The following DRC4 variants were observed in gnomAD, a reference collection of about 807,000 sequenced individuals.
DRC4 encodes the protein GAS-11.
At chr16:90,032,780 G>A in the DRC4 span, 1 of 1,613,964 alleles carries the variant, frequency 6.2e-7, no homozygotes, top group African/African-American at 1.3e-5. Context: ...CAGAGATGAA[G>A]GCTGAGGGCA....
chr16:90,036,196 C>G, the DRC4 span: 1 of 612,874 alleles, frequency 1.6e-6, no homozygotes, highest in Admixed American at 3.1e-5. Flanking sequence ...GGTGTGTGTG[C>G]TGAGTGTGAG....
chr16:90,037,857 C>T, the DRC4 span: 2 of 1,612,084 alleles, frequency 1.2e-6, no homozygotes, highest in African/African-American at 2.7e-5. Flanking sequence ...AGGTGAGTGG[C>T]ACCACGCTGG....
chr16:90,026,682 C>T, the DRC4 span, among the ~76,000 whole-genome samples: 1 of 113,492 alleles, frequency 8.8e-6, no homozygotes, highest in Non-Finnish European at 1.8e-5. Flanking sequence ...GGAATGGGTT[C>T]CCCCCTCTCT....
chr16:90,034,526 G>A, the DRC4 span, among the ~76,000 whole-genome samples: 3 of 152,090 alleles, frequency 2.0e-5, no homozygotes, highest in Non-Finnish European at 4.4e-5. Context: ...GGACGCTGAG[G>A]CAGAAGAATC....
At chr16:90,028,172 C>CTTTTTTTTT in the DRC4 span, among the ~76,000 whole-genome samples, 5 of 75,006 alleles carry the variant, frequency 6.7e-5, no homozygotes, top group Admixed American at 1.4e-4. Context: ...ATTAATCGTT[C>CTTTTTTTTT]ATTTTTTTTT....
the DRC4 span, chr16:90,035,562 G>C: frequency 3.2e-5 from 52 of 1,603,724 alleles, no homozygotes; most frequent in Non-Finnish European, 4.4e-5. Flanking sequence ...ATGAGGAACA[G>C]GGTCAGCCTG....
the DRC4 span, among the ~76,000 whole-genome samples, chr16:90,032,052 A>C: frequency 1.3e-5 from 2 of 150,330 alleles, no homozygotes; most frequent in Non-Finnish European, 1.5e-5. Flanking sequence ...GTACAGGTGT[A>C]GTGCAGGCGA....
the DRC4 span, among the ~76,000 whole-genome samples, chr16:90,021,326 A>T: frequency 6.6e-6 from 1 of 151,782 alleles, no homozygotes; most frequent in African/African-American, 2.4e-5. Context: ...CATTTCTCAC[A>T]CTTTGCCCCC....
At chr16:90,022,405 T>C in the DRC4 span, among the ~76,000 whole-genome samples, 2 of 152,234 alleles carry the variant, frequency 1.3e-5, no homozygotes, top group Non-Finnish European at 2.9e-5. Flanking sequence ...TGCTGTGTGC[T>C]GTTCTAGGCG....
At chr16:90,031,015 T>C in the DRC4 span, among the ~76,000 whole-genome samples, 1 of 152,262 alleles carries the variant, frequency 6.6e-6, no homozygotes, top group Admixed American at 6.5e-5. Context: ...GATGCTCTTA[T>C]ATTTCTTTTG....
the DRC4 span, chr16:90,029,060 C>CT: frequency 1.6e-6 from 2 of 1,228,292 alleles, no homozygotes; most frequent in Non-Finnish European, 2.1e-6. Context: ...GTTGTCCCAG[C>CT]ATGTGAGCTG....
At chr16:90,035,759 A>G in the DRC4 span, 1 of 1,613,778 alleles carries the variant, frequency 6.2e-7, no homozygotes, top group Non-Finnish European at 8.5e-7. Context: ...ATTTACCTCC[A>G]GAGCTTGTTA....
chr16:90,042,199 C>G, the DRC4 span: 10 of 519,668 alleles, frequency 1.9e-5, no homozygotes, highest in African/African-American at 1.3e-4. Flanking sequence ...GCCTCCCACA[C>G]TGCTGGGATC....
At chr16:90,041,571 T>A in the DRC4 span, among the ~76,000 whole-genome samples, 2 of 152,092 alleles carry the variant, frequency 1.3e-5, no homozygotes, top group African/African-American at 4.8e-5. Flanking sequence ...TTTGGGAGGC[T>A]GAGGTGGGCA....
the DRC4 span, chr16:90,037,457 G>A: frequency 6.5e-7 from 1 of 1,543,750 alleles, no homozygotes; most frequent in Non-Finnish European, 8.8e-7. Context: ...AGGCTCAGGA[G>A]GGAGGAGCAT....
the DRC4 span, among the ~76,000 whole-genome samples, chr16:90,023,410 A>G: frequency 6.6e-6 from 1 of 152,166 alleles, no homozygotes; most frequent in Non-Finnish European, 1.5e-5. Flanking sequence ...TTTGTGGTAC[A>G]GGAATTGTCA....
the DRC4 span, among the ~76,000 whole-genome samples, chr16:90,026,468 A>C: frequency 6.6e-6 from 1 of 152,136 alleles, no homozygotes; most frequent in African/African-American, 2.4e-5. Context: ...GAAAGAAAGG[A>C]AACTTGTGGT....
chr16:90,022,619 G>T, the DRC4 span: 4 of 1,295,538 alleles, frequency 3.1e-6, no homozygotes, highest in Non-Finnish European at 3.0e-6. Flanking sequence ...CGAGGATCTT[G>T]TGACTTATCG....
chr16:90,034,960 G>A, the DRC4 span, among the ~76,000 whole-genome samples: 2 of 134,672 alleles, frequency 1.5e-5, no homozygotes, highest in Admixed American at 1.7e-4. Context: ...CTGGAGTGCA[G>A]TGGCACAATC....
Sources: gnomAD v4.1 joint callset for allele counts (sites outside exome capture counted in the v4.1 genomes callset) on GRCh38, gnomAD v4.1.1 for gene constraint, MANE v1.5 for transcripts, NCBI Gene and HGNC (gene_info 2026-07-23, HGNC 2026-07-21) for gene names.